The following ECT2L variants were observed in gnomAD, a reference collection of about 807,000 sequenced individuals.
ECT2L encodes the protein epithelial cell-transforming sequence 2 oncogene-like.
ECT2L carries 126 observed loss-of-function variants against 122.8 expected under a neutral mutation model. That is an observed-to-expected ratio of 1.03 (90% CI 0.89 to 1.19). The LOEUF (loss-of-function observed/expected upper bound fraction) is 1.19, where lower values mean the gene tolerates loss of function less well. ECT2L is among the 50% of genes most tolerant of loss of function. The pLI, the probability that ECT2L is intolerant of heterozygous loss-of-function variation, is 0.00. For synonymous variants in ECT2L, 385 were observed against 381.8 expected (o/e 1.01, Z -0.10); for missense variants, 1,012 against 1,064.1 (o/e 0.95, Z 0.68).
intron 20 of ECT2L, among the ~76,000 whole-genome samples, chr6:138,893,194 TG>T (rs1562496691): frequency 2.0e-5 from 3 of 146,876 alleles, no homozygotes; most frequent in East Asian, 2.0e-4. Flanking sequence ...TGTTTTTTTT[TG>T]TTTTTTTTTC....
chr6:138,863,003 A>G (rs1322319376), intron 11 of ECT2L, among the ~76,000 whole-genome samples: 1 of 152,246 alleles, frequency 6.6e-6, no homozygotes. Flanking sequence ...CTGATCTAGA[A>G]AAGTAAGAAG....
intron 10 of ECT2L, among the ~76,000 whole-genome samples, chr6:138,861,860 T>G (rs1338854214): frequency 3.3e-5 from 5 of 152,222 alleles, no homozygotes; most frequent in Non-Finnish European, 7.3e-5. Flanking sequence ...TTTTAAAATC[T>G]GTCCTCTTAC....
chr6:138,898,724 GA>G (rs1002013133), intron 20 of ECT2L, among the ~76,000 whole-genome samples: 104 of 152,198 alleles, frequency 6.8e-4, no homozygotes, highest in African/African-American at 2.5e-3. Flanking sequence ...TTATAAATAT[GA>G]ATTATAGCAG....
chr6:138,902,444 C>T, intron 21 of ECT2L, 56 bp from the exon 22 acceptor site: 1 of 1,515,280 alleles, frequency 6.6e-7, no homozygotes, highest in Admixed American at 2.2e-5. Flanking sequence ...AACATTTTTT[C>T]TCATTTTGAT....
At chr6:138,850,317 C>G (rs139793904) in intron 9 of ECT2L, among the ~76,000 whole-genome samples, 1,802 of 152,050 alleles carry the variant, frequency 0.012, 32 homozygotes, top group African/African-American at 0.041. Context: ...GCTAATTTTT[C>G]TATTTTTAGT....
At chr6:138,810,616 T>C (rs945552552) in intron 1 of ECT2L, among the ~76,000 whole-genome samples, 1 of 152,208 alleles carries the variant, frequency 6.6e-6, no homozygotes, top group Non-Finnish European at 1.5e-5. Flanking sequence ...GAGAATGTGA[T>C]TGTTGGAGAC....
intron 1 of ECT2L, among the ~76,000 whole-genome samples, chr6:138,809,291 G>A (rs983773041): frequency 6.6e-6 from 1 of 152,090 alleles, no homozygotes; most frequent in Admixed American, 6.5e-5. Flanking sequence ...GGCCAGCTGC[G>A]GGGCTCATAC....
At chr6:138,883,303 T>A (rs1031042687) in intron 16 of ECT2L, among the ~76,000 whole-genome samples, 3 of 152,236 alleles carry the variant, frequency 2.0e-5, no homozygotes, top group Non-Finnish European at 4.4e-5. Flanking sequence ...AAGGAATGTC[T>A]TGGTCTTACA....
chr6:138,886,988 G>C, intron 19 of ECT2L, 66 bp downstream of exon 19: 2 of 1,343,396 alleles, frequency 1.5e-6, no homozygotes, highest in Non-Finnish European at 2.1e-6. Flanking sequence ...TTTTGCAAAA[G>C]GAGACCTACA....
At chr6:138,846,203 A>G (rs1252210276) in intron 7 of ECT2L, among the ~76,000 whole-genome samples, 1 of 152,182 alleles carries the variant, frequency 6.6e-6, no homozygotes, top group Non-Finnish European at 1.5e-5. Context: ...CTAGAAGGAA[A>G]TTCAAAATCT....
At position 138,857,090 on chromosome 6, in the gene ECT2L, T is replaced by C. The variant is rs936984181; in HGVS notation, c.1198+2936T>C. Among the ~76,000 whole-genome samples the C allele has an allele frequency of 5.9e-5, 9 of 152,328 alleles. 1 individual carries two copies. In the East Asian group the frequency reaches 1.4e-3, roughly 23 times the overall value. ...ATCCCTCTCAAACAAGATCAGATAC[T>C]GCACTTGGAATCTAGCCCGTTGCCT... On this transcript the variant is annotated intron_variant, in intron 10 of 21. Transcript: ENST00000541398.
Position 138,849,447 on chromosome 6 carries a change from A to T in ECT2L, c.1069+13A>T. On this transcript the variant is annotated intron_variant, in intron 9 of 21. Coordinates refer to ENST00000541398, the MANE Select transcript of ECT2L (RefSeq NM_001077706.3). ...AATTTACTCCAAGGTAGGCCTGGGG[A>T]TTGGCGGATGAACAACCATGGAACT... is the stretch of plus-strand genomic sequence containing the variant. 1.9e-6 allele frequency: 3 copies of T among 1,608,302 alleles called. No individual in the cohort carries two copies. Among genetic ancestry groups the T allele is most frequent in the East Asian group, 4.5e-5 (2 of 44,624 alleles).
intron 19 of ECT2L, among the ~76,000 whole-genome samples, chr6:138,888,675 A>C (rs1167422793): frequency 6.6e-6 from 1 of 152,180 alleles, no homozygotes; most frequent in African/African-American, 2.4e-5. Flanking sequence ...TTTTGATATT[A>C]GGAAAGCACT....
At chr6:138,881,560 T>C (rs940051672) in intron 15 of ECT2L, among the ~76,000 whole-genome samples, 4 of 151,690 alleles carry the variant, frequency 2.6e-5, no homozygotes, top group Non-Finnish European at 5.9e-5. Flanking sequence ...TATATTATAA[T>C]ATATAATAAA....
intron 4 of ECT2L, among the ~76,000 whole-genome samples, chr6:138,837,986 A>C (rs550135243): frequency 6.6e-6 from 1 of 151,016 alleles, no homozygotes; most frequent in African/African-American, 2.4e-5. Flanking sequence ...CTGCAACCTC[A>C]GTCTCCTGGG....
chr6:138,822,678 G>T, intron 4 of ECT2L: 2 of 1,395,830 alleles, frequency 1.4e-6, no homozygotes, highest in South Asian at 2.8e-5. Context: ...AACAGCTCCG[G>T]TCTACAGCTC....
At chr6:138,806,511 C>CTTCTTTTTTTTT (rs530723007) in intron 1 of ECT2L, among the ~76,000 whole-genome samples, 1 of 89,676 alleles carries the variant, frequency 1.1e-5, no homozygotes, top group Non-Finnish European at 2.0e-5. Context: ...AAAATTCACG[C>CTTCTTTTTTTTT]TTTTTTTTTT....
At chr6:138,893,174 G>GTTTT (rs367734062) in intron 20 of ECT2L, among the ~76,000 whole-genome samples, 1 of 135,532 alleles carries the variant, frequency 7.4e-6, no homozygotes. Flanking sequence ...GTTTTTTTTT[G>GTTTT]TTTTTTTTTT....
Position 138,844,412 on chromosome 6 carries a change from A to G in ECT2L, c.596A>G (p.Lys199Arg). The G allele has an allele frequency of 6.2e-7, 1 of 1,613,132 alleles. No homozygotes were observed. The highest frequency in any genetic ancestry group is 1.1e-5 in the South Asian group (1 of 91,030). Residue 199 changes from lysine to arginine, a missense_variant and splice_region_variant, in exon 7 of 22, where the codon AAG becomes AGG. By Grantham distance (26) the Lys-to-Arg change is conservative (BLOSUM62 2). Coordinates refer to ENST00000541398, the MANE Select transcript of ECT2L (RefSeq NM_001077706.3). ...RIWEKIALRK[K>R]ELFKVRPPWV... ...CCGCCTGCTGTTCTTTGTTTTTCAG[A>G]GGAGTTATTCAAAGTTCGACCCCCT...
Sources: allele counts gnomAD v4.1 joint callset (sites outside exome capture counted in the v4.1 genomes callset), GRCh38; gene constraint gnomAD v4.1.1; transcripts MANE v1.5; gene names NCBI Gene and HGNC (gene_info 2026-07-23, HGNC 2026-07-21).